The following MTUS2 variants were observed in gnomAD, a reference collection of about 807,000 sequenced individuals.
The protein encoded by MTUS2 is microtubule-associated tumor suppressor candidate 2.
MTUS2 carries 40 observed loss-of-function variants against 114.1 expected under a neutral mutation model. The ratio of observed to expected loss-of-function variants is 0.35; its 90% CI spans 0.27 to 0.46. The LOEUF is 0.46. Ranked by LOEUF, MTUS2 falls within the 20% of genes least tolerant of loss-of-function variation. The pLI is 1.00. For missense variants in MTUS2, 1,679 were observed against 1,705.4 expected (o/e 0.98, Z 0.27); for synonymous variants, 688 against 672.0 (o/e 1.02, Z -0.37).
chr13:28,855,107 T>A (rs1175578812), intron 2 of MTUS2, among the ~76,000 whole-genome samples: 4 of 152,234 alleles, frequency 2.6e-5, no homozygotes, highest in African/African-American at 9.6e-5. Context: ...AGACTCATTC[T>A]TTTTTGGTTA....
chr13:29,216,590 A>G (rs1368043769), intron 5 of MTUS2, among the ~76,000 whole-genome samples: 2 of 152,140 alleles, frequency 1.3e-5, no homozygotes, highest in African/African-American at 4.8e-5. Flanking sequence ...AGAGTCCCTT[A>G]TGGCTTCCCT....
intron 8 of MTUS2, among the ~76,000 whole-genome samples, chr13:29,393,585 T>G (rs1311143324): frequency 1.3e-5 from 2 of 152,140 alleles, no homozygotes; most frequent in African/African-American, 2.4e-5. Context: ...AGATCACAGT[T>G]CTCAGTGACA....
At chr13:29,460,045 C>A (rs922806448) in intron 9 of MTUS2, among the ~76,000 whole-genome samples, 1 of 152,162 alleles carries the variant, frequency 6.6e-6, no homozygotes, top group Non-Finnish European at 1.5e-5. Context: ...TCAAAGCTGC[C>A]ATTTACTGAA....
chr13:29,372,431 C>A (rs1871268876), intron 8 of MTUS2, among the ~76,000 whole-genome samples: 1 of 152,090 alleles, frequency 6.6e-6, no homozygotes, highest in Admixed American at 6.5e-5. Flanking sequence ...TTGTTGATTT[C>A]TTGCTGCCCT....
intron 8 of MTUS2, among the ~76,000 whole-genome samples, chr13:29,386,667 A>C (rs888371130): frequency 3.3e-5 from 5 of 152,122 alleles, no homozygotes; most frequent in Non-Finnish European, 7.4e-5. Context: ...TTTTTTAATG[A>C]GTTAATTTTC....
chr13:29,026,663 G>T lies in MTUS2; in HGVS notation c.1965G>T (p.Leu655=). ...ACATCAGGAGGAATCCCCAGGCCCT[G>T]GGCCAGGTGGACGCCTCGCTGGTTC... ...ITYIRRNPQA[L]GQVDASLVPV... Residue 655 remains leucine (L), a synonymous_variant, in exon 3 of 16, where the codon CTG becomes CTT. Transcript: ENST00000612955. The T allele has an allele frequency of 6.2e-7, 1 of 1,613,996 alleles. No individual in the cohort carries two copies. The highest frequency in any genetic ancestry group is 8.5e-7 in the Non-Finnish European group (1 of 1,179,880).
chr13:28,905,752 G>A (rs1207066273), intron 2 of MTUS2, among the ~76,000 whole-genome samples: 1 of 151,276 alleles, frequency 6.6e-6, no homozygotes, highest in Non-Finnish European at 1.5e-5. Flanking sequence ...TTGGTATCAG[G>A]ATGATGCTGG....
intron 6 of MTUS2, among the ~76,000 whole-genome samples, chr13:29,291,905 GC>G (rs1247372871): frequency 6.6e-6 from 1 of 152,168 alleles, no homozygotes; most frequent in Non-Finnish European, 1.5e-5. Flanking sequence ...TAACATCTAA[GC>G]CCTCCTTGCA....
At chr13:29,325,061 G>C (rs1441405393) in intron 7 of MTUS2, among the ~76,000 whole-genome samples, 1 of 152,164 alleles carries the variant, frequency 6.6e-6, no homozygotes. Context: ...GAGATAATGG[G>C]TATCAAATGA....
At chr13:29,362,871 A>G (rs1236594394) in intron 8 of MTUS2, among the ~76,000 whole-genome samples, 2 of 152,210 alleles carry the variant, frequency 1.3e-5, no homozygotes, top group East Asian at 1.9e-4. Flanking sequence ...CCCATGCTTT[A>G]TAGCTCCTGG....
chr13:28,831,163 A>G (rs1874647309), intron 1 of MTUS2, among the ~76,000 whole-genome samples: 1 of 152,218 alleles, frequency 6.6e-6, no homozygotes, highest in African/African-American at 2.4e-5. Flanking sequence ...AATGTAAAAG[A>G]AACGGAATGA....
intron 8 of MTUS2, among the ~76,000 whole-genome samples, chr13:29,416,956 A>T (rs1333461968): frequency 6.6e-6 from 1 of 152,196 alleles, no homozygotes; most frequent in Non-Finnish European, 1.5e-5. Context: ...CGTTTCAATT[A>T]TCTGAAAAGT....
intron 5 of MTUS2, among the ~76,000 whole-genome samples, chr13:29,131,407 TC>T (rs1891756861): frequency 6.6e-6 from 1 of 152,236 alleles, no homozygotes; most frequent in Non-Finnish European, 1.5e-5. Flanking sequence ...CCTGGTTACC[TC>T]CTGGCTGGAA....
At chr13:28,978,938 A>G (rs757743962) in intron 2 of MTUS2, among the ~76,000 whole-genome samples, 6 of 152,190 alleles carry the variant, frequency 3.9e-5, no homozygotes, top group Non-Finnish European at 7.3e-5. Context: ...ATTTCACTCA[A>G]TATGACCTTC....
intron 5 of MTUS2, among the ~76,000 whole-genome samples, chr13:29,148,300 G>T (rs1180708925): frequency 6.6e-6 from 1 of 150,640 alleles, no homozygotes; most frequent in Non-Finnish European, 1.5e-5. Flanking sequence ...ATGCTGGTTT[G>T]CTGCACCTAG....
chr13:28,856,962 C>G (rs1876669377), intron 2 of MTUS2, among the ~76,000 whole-genome samples: 1 of 152,086 alleles, frequency 6.6e-6, no homozygotes, highest in Non-Finnish European at 1.5e-5. Flanking sequence ...GTTGCTAACA[C>G]AACTTCGTAG....
chr13:29,091,525 C>T (rs1889949331), intron 4 of MTUS2, among the ~76,000 whole-genome samples: 2 of 151,986 alleles, frequency 1.3e-5, no homozygotes, highest in Non-Finnish European at 2.9e-5. Context: ...AATGACCACT[C>T]TTTCATGAGC....
intron 5 of MTUS2, among the ~76,000 whole-genome samples, chr13:29,232,296 ACGCGCGCGCG>A (rs60135574): frequency 0.62 from 92,629 of 148,510 alleles, 28,535 homozygotes; most frequent in African/African-American, 0.66. Context: ...ACACACACAC[ACGCGCGCGCG>A]CACACACACA....
chr13:29,127,651 G>A (rs910032801), intron 5 of MTUS2, among the ~76,000 whole-genome samples: 2 of 152,212 alleles, frequency 1.3e-5, no homozygotes, highest in Non-Finnish European at 2.9e-5. Context: ...CTGTGCATGT[G>A]TGTGTTTCAT....
Sources: allele counts gnomAD v4.1 joint callset (sites outside exome capture counted in the v4.1 genomes callset), GRCh38; gene constraint gnomAD v4.1.1; transcripts MANE v1.5; gene names NCBI Gene and HGNC (gene_info 2026-07-23, HGNC 2026-07-21).